Variants in GALNT9 observed in about 807,000 individuals in gnomAD.
The protein encoded by GALNT9 is polypeptide N-acetylgalactosaminyltransferase 9, also known as GalNAc transferase 9.
GALNT9 carries 47 observed loss-of-function variants against 63.1 expected under a neutral mutation model. The ratio of observed to expected loss-of-function variants is 0.75; its 90% CI spans 0.59 to 0.95. The LOEUF is 0.95. GALNT9 is among the 40% of genes least tolerant of loss of function. The probability of loss-of-function intolerance (pLI) is 0.00; values close to 1 mark genes in which losing one functional copy is unlikely to be tolerated. For missense variants in GALNT9, 829 were observed against 874.8 expected, an observed-to-expected ratio of 0.95 and a Z score of 0.66; for synonymous variants, 396 against 365.7, an observed-to-expected ratio of 1.08 and a Z score of -0.94.
rs1555245100 is a variant in GALNT9, at chr12:132,310,811, T to A, written c.238+18155A>T. On this transcript the variant is annotated intron_variant, in intron 1 of 10. Transcript: ENST00000328957. This position sits in a 1 kb window ranked among gnomAD's most constrained non-coding sequence, Gnocchi z 4.8. ...GCTGTCCTCCCACGCAAAGAGGAACTAGGTGTGGCTGTGGCCTGAGGGAGG... is the reference window on the plus strand; with the variant it reads ...GCTGTCCTCCCACGCAAAGAGGAACAAGGTGTGGCTGTGGCCTGAGGGAGG... Among the ~76,000 whole-genome samples the A allele has an allele frequency of 6.6e-6, 1 of 152,180 alleles. No homozygotes were observed. Among genetic ancestry groups the A allele is most frequent in the African/African-American group, 2.4e-5 (1 of 41,450 alleles).
At chr12:132,218,409 C>T (rs1427733732) in intron 6 of GALNT9, among the ~76,000 whole-genome samples, 1 of 152,214 alleles carries the variant, frequency 6.6e-6, no homozygotes, top group Non-Finnish European at 1.5e-5. Context: ...TTTGGCAGAA[C>T]GGAATTTCCC....
intron 9 of GALNT9, 66 bp from the exon 10 acceptor site, chr12:132,198,025 G>T: frequency 1.5e-6 from 2 of 1,354,800 alleles, no homozygotes; most frequent in South Asian, 1.3e-5. Context: ...AGCACTGACA[G>T]GCCGTGCGAG....
In GALNT9 at chr12:132,282,296, G is replaced by C. The variant is rs574039312; in HGVS notation, c.419+3954C>G. Among the ~76,000 whole-genome samples the C allele has an allele frequency of 1.3e-4, 20 of 152,228 alleles. No homozygotes were observed. Among genetic ancestry groups the C allele is most frequent in the Non-Finnish European group, 2.8e-4 (19 of 68,042 alleles). On this transcript the variant is annotated intron_variant, in intron 2 of 10. Coordinates refer to ENST00000328957, the MANE Select transcript of GALNT9 (RefSeq NM_001122636.2). The surrounding 1 kb of genome is among the most constrained non-coding windows in gnomAD (Gnocchi z 4.5). ...CTCCACTACAGCAAGGCCAGGCCTG[G>C]GGTCCCACATCCCACAGAGGGGGAA...
At chr12:132,324,308 C>T (rs920145502) in intron 1 of GALNT9, among the ~76,000 whole-genome samples, 6 of 152,272 alleles carry the variant, frequency 3.9e-5, no homozygotes, top group East Asian at 1.9e-4. Flanking sequence ...AGGCATTGCC[C>T]GGGCCGAGCC....
At chr12:132,267,178 A>C (rs1357290485) in intron 2 of GALNT9, among the ~76,000 whole-genome samples, 1 of 151,366 alleles carries the variant, frequency 6.6e-6, no homozygotes, top group Non-Finnish European at 1.5e-5. Flanking sequence ...AGCCGAGAGG[A>C]GGGCTGGGGA....
chr12:132,213,442 A>G (rs974774987), intron 6 of GALNT9, among the ~76,000 whole-genome samples: 1 of 151,936 alleles, frequency 6.6e-6, no homozygotes, highest in African/African-American at 2.4e-5. Flanking sequence ...TCAAGCATAC[A>G]CATGCACTGT....
At chr12:132,203,229 C>G (rs536564777) in intron 7 of GALNT9, among the ~76,000 whole-genome samples, 1 of 152,178 alleles carries the variant, frequency 6.6e-6, no homozygotes, top group African/African-American at 2.4e-5. Context: ...TGGCTTCTAA[C>G]CACGGGGCAA....
chr12:132,264,570 C>T (rs935559247), intron 2 of GALNT9, among the ~76,000 whole-genome samples: 1 of 152,176 alleles, frequency 6.6e-6, no homozygotes, highest in East Asian at 1.9e-4. Flanking sequence ...GCCGTGTCCG[C>T]GTGGCCGGAG....
In GALNT9 at chr12:132,310,078, C is replaced by T. The variant is rs1005055599; in HGVS notation, c.238+18888G>A. ...GGAGACTGCTGGAATCTGAGGTTTTCACCTTTTATCCACAGCCCTGTACTG... is the reference window on the plus strand; with the variant it reads ...GGAGACTGCTGGAATCTGAGGTTTTTACCTTTTATCCACAGCCCTGTACTG... On this transcript the variant is annotated intron_variant, in intron 1 of 10. Transcript: ENST00000328957. This position sits in a 1 kb window ranked among gnomAD's most constrained non-coding sequence, Gnocchi z 4.8. Among the ~76,000 whole-genome samples the T allele has an allele frequency of 1.3e-5, 2 of 152,230 alleles. No homozygotes were observed. Among genetic ancestry groups the T allele is most frequent in the African/African-American group, 2.4e-5 (1 of 41,468 alleles).
rs2136894456 is a variant in GALNT9, at chr12:132,236,175, C to T, written c.1077+11735G>A. On this transcript the variant is annotated intron_variant, in intron 6 of 10. Transcript: ENST00000328957. The surrounding 1 kb of genome is among the most constrained non-coding windows in gnomAD (Gnocchi z 5.6). ...CCCTGGGCTGGAGTTCAAGGTCAGACGGGCCTTTCAAATACAAGCAAATGC... is the reference window on the plus strand; with the variant it reads ...CCCTGGGCTGGAGTTCAAGGTCAGATGGGCCTTTCAAATACAAGCAAATGC... 2.6e-5 allele frequency among the ~76,000 whole-genome samples: 4 copies of T among 152,082 alleles called. No homozygotes were observed. The highest frequency in any genetic ancestry group is 4.4e-5 in the Non-Finnish European group (3 of 68,010).
intron 1 of GALNT9, among the ~76,000 whole-genome samples, chr12:132,300,296 GACCAAGCC>G (rs1881244899): frequency 8.7e-6 from 1 of 115,356 alleles, no homozygotes; most frequent in African/African-American, 3.4e-5. Flanking sequence ...CCCCTGAGAT[GACCAAGCC>G]ACTCCTGAGA....
intron 6 of GALNT9, among the ~76,000 whole-genome samples, chr12:132,209,695 A>T (rs886776399): frequency 7.2e-5 from 11 of 152,302 alleles, no homozygotes; most frequent in Admixed American, 1.3e-4. Flanking sequence ...CAGCACCAAG[A>T]CAGTTCACAG....
At chr12:132,328,404 A>T (rs782340790) in intron 1 of GALNT9, among the ~76,000 whole-genome samples, 1 of 152,150 alleles carries the variant, frequency 6.6e-6, no homozygotes, top group African/African-American at 2.4e-5. Flanking sequence ...AGCTTCTCCC[A>T]TAACAACTTT....
At chr12:132,278,634 G>A (rs1282592317) in intron 2 of GALNT9, 1 of 152,234 alleles carries the variant, frequency 6.6e-6, no homozygotes. Context: ...TGGTTTAGGG[G>A]AATCGGGAGG....
chr12:132,313,457 T>TCACC (rs1881889944), intron 1 of GALNT9, among the ~76,000 whole-genome samples: 1 of 100,808 alleles, frequency 9.9e-6, no homozygotes, highest in Non-Finnish European at 2.1e-5. Flanking sequence ...ATCCATCCAC[T>TCACC]CACCCACCCA....
intron 1 of GALNT9, among the ~76,000 whole-genome samples, chr12:132,300,676 C>G (rs1056434967): frequency 1.4e-5 from 2 of 143,528 alleles, no homozygotes; most frequent in African/African-American, 5.9e-5. Flanking sequence ...CCAAGCCACT[C>G]CTGAGATAAC....
intron 1 of GALNT9, among the ~76,000 whole-genome samples, chr12:132,308,057 C>T (rs1283009040): frequency 6.6e-6 from 1 of 151,652 alleles, no homozygotes; most frequent in Admixed American, 6.6e-5. Context: ...AACAAAAAAA[C>T]ACACAAACAA....
At chr12:132,277,327 C>T (rs28395305) in intron 2 of GALNT9, 1,980 of 154,994 alleles carry the variant, frequency 0.013, 35 homozygotes, top group South Asian at 0.097. Context: ...CTCCCACAGA[C>T]GCCTGCTAAC....
At chr12:132,203,969 C>A (rs1383124591) in intron 6 of GALNT9, among the ~76,000 whole-genome samples, 1 of 152,054 alleles carries the variant, frequency 6.6e-6, no homozygotes, top group South Asian at 2.1e-4. Flanking sequence ...TTCTACCGAC[C>A]CCAACACTTA....
Sources: gnomAD v4.1 joint callset for allele counts (sites outside exome capture counted in the v4.1 genomes callset) on GRCh38, gnomAD v4.1.1 for gene constraint, Gnocchi (gnomAD v3.1) non-coding constraint, MANE v1.5 for transcripts, NCBI Gene and HGNC (gene_info 2026-07-23, HGNC 2026-07-21) for gene names.